RYR2: variants seen among roughly 807,000 people sequenced by gnomAD.
The protein encoded by RYR2 is ryanodine receptor 2, also known as cardiac muscle ryanodine receptor-calcium release channel.
RYR2 carries 227 observed loss-of-function variants against 601.1 expected under a neutral mutation model. The observed-to-expected ratio is 0.38, with a 90% CI of 0.34 to 0.42. The LOEUF (loss-of-function observed/expected upper bound fraction) is 0.42, where lower values mean the gene tolerates loss of function less well. Among genes scored for constraint, RYR2 ranks in the 10% least tolerant of loss-of-function variants. The probability of loss-of-function intolerance (pLI) is 1.00; values close to 1 mark genes in which losing one functional copy is unlikely to be tolerated. For missense variants in RYR2, 4,646 were observed against 6,156.5 expected (o/e 0.75, Z 8.21); for synonymous variants, 2,223 against 2,175.1 (o/e 1.02, Z -0.61).
At chr1:237,413,397 A>G (rs1247748554) in intron 10 of RYR2, among the ~76,000 whole-genome samples, 1 of 152,172 alleles carries the variant, frequency 6.6e-6, no homozygotes, top group African/African-American at 2.4e-5. Flanking sequence ...ATACCATTAG[A>G]TTTTTATAAA....
At chr1:237,764,534 C>T (rs570285998) in intron 84 of RYR2, among the ~76,000 whole-genome samples, 2 of 151,306 alleles carry the variant, frequency 1.3e-5, no homozygotes, top group South Asian at 4.2e-4. Context: ...CTGCAACCTC[C>T]ACTTCCCGGG....
In RYR2 at chr1:237,412,740, T is replaced by C. The variant is rs973896109; in HGVS notation, c.774-4309T>C. 2.0e-5 allele frequency among the ~76,000 whole-genome samples: 3 copies of C among 152,172 alleles called. No homozygotes were observed. The East Asian group carries it at 5.8e-4, about 29-fold the overall frequency. On this transcript the variant is annotated intron_variant, in intron 10 of 104. Transcript: ENST00000366574. ...CTGCCATTTGCATTAAAATCCCTTG[T>C]GATGATTACCTCAAAAGGTGCTGTT... is the stretch of plus-strand genomic sequence containing the variant.
intron 23 of RYR2, among the ~76,000 whole-genome samples, chr1:237,507,756 C>A (rs61833804): frequency 0.027 from 4,112 of 152,292 alleles, 80 homozygotes; most frequent in Non-Finnish European, 0.041. Context: ...TTGCTAAATG[C>A]CTTGGCAGGC....
chr1:237,745,651 A>G (rs2797449), intron 80 of RYR2, among the ~76,000 whole-genome samples: 78,406 of 152,050 alleles, frequency 0.52, 21,813 homozygotes, highest in East Asian at 0.8. Context: ...ATATTTAGAC[A>G]CTAGGATTCA....
chr1:237,150,531 T>C (rs1231178215), intron 1 of RYR2, among the ~76,000 whole-genome samples: 1 of 152,036 alleles, frequency 6.6e-6, no homozygotes, highest in Non-Finnish European at 1.5e-5. Flanking sequence ...TTTTCTTGGA[T>C]TGGCAGTTGA....
chr1:237,269,570 A>C (rs922816397), intron 1 of RYR2, among the ~76,000 whole-genome samples: 1 of 152,158 alleles, frequency 6.6e-6, no homozygotes, highest in African/African-American at 2.4e-5. Context: ...AGATGTCAAA[A>C]CACGTAAATG....
chr1:237,623,740 T>C (rs757372337), intron 38 of RYR2, 25 bp from the exon 39 acceptor site: 6 of 1,458,652 alleles, frequency 4.1e-6, no homozygotes, highest in Non-Finnish European at 5.8e-6. Context: ...TCCTTCTTCC[T>C]CTTTCTTGTT....
intron 2 of RYR2, among the ~76,000 whole-genome samples, chr1:237,302,464 C>T (rs1270390235): frequency 6.6e-6 from 1 of 152,074 alleles, no homozygotes; most frequent in African/African-American, 2.4e-5. Context: ...TCATTACAAG[C>T]CTTGATATAT....
chr1:237,669,334 C>A (rs1042182257), intron 58 of RYR2, among the ~76,000 whole-genome samples: 7 of 152,280 alleles, frequency 4.6e-5, no homozygotes, highest in Admixed American at 6.5e-5. Flanking sequence ...CCTTTCCCCC[C>A]TCTCTATTCC....
At chr1:237,488,509 C>G (rs1304046682) in intron 17 of RYR2, among the ~76,000 whole-genome samples, 2 of 152,168 alleles carry the variant, frequency 1.3e-5, no homozygotes, top group Non-Finnish European at 2.9e-5. Context: ...GGGAACATCT[C>G]CTAATACCAT....
chr1:237,289,025 A>C (rs1450411215), intron 2 of RYR2, among the ~76,000 whole-genome samples: 1 of 151,884 alleles, frequency 6.6e-6, no homozygotes, highest in East Asian at 1.9e-4. Flanking sequence ...CTCCAAATTG[A>C]CTCAGCTCCA....
intron 1 of RYR2, among the ~76,000 whole-genome samples, chr1:237,245,420 G>C (rs1278590348): frequency 6.6e-6 from 1 of 152,140 alleles, no homozygotes; most frequent in East Asian, 1.9e-4. Flanking sequence ...AATAAATTCA[G>C]CTGTAAGTTT....
Position 237,745,218 on chromosome 1 carries a change from C to T in RYR2, c.11145+2869C>T, listed in dbSNP as rs578227535. Among the ~76,000 whole-genome samples the T allele has an allele frequency of 3.9e-5, 6 of 152,094 alleles. No homozygotes were observed. In the South Asian group the frequency reaches 1.0e-3, roughly 26 times the overall value. ...TATACTATCAGATGCAGCTCTGATC[C>T]GATGGATATAATGGTTAATGGCATA... On this transcript the variant is annotated intron_variant, in intron 80 of 104. Coordinates refer to ENST00000366574, the MANE Select transcript of RYR2 (RefSeq NM_001035.3).
rs1429289414 is a variant in RYR2, at chr1:237,217,548, CAAA to C, written c.49-52948_49-52946del. 4.6e-5 allele frequency among the ~76,000 whole-genome samples: 7 copies of C among 152,210 alleles called. No individual in the cohort carries two copies. The East Asian group carries it at 1.4e-3, about 29-fold the overall frequency. On this transcript the variant is annotated intron_variant, in intron 1 of 104. Coordinates refer to ENST00000366574, the MANE Select transcript of RYR2 (RefSeq NM_001035.3). ...TCTGTGCCTTCGTTTCCTTCTCTGT[CAAA>C]TGGGAATAATAATAGCACCAAGTTC...
chr1:237,199,620 T>C (rs1399262830), intron 1 of RYR2, among the ~76,000 whole-genome samples: 1 of 152,204 alleles, frequency 6.6e-6, no homozygotes. Flanking sequence ...TAATCTTCTT[T>C]GCCAGCACCC....
intron 82 of RYR2, among the ~76,000 whole-genome samples, chr1:237,758,170 A>G (rs1693112906): frequency 6.6e-6 from 1 of 152,212 alleles, no homozygotes; most frequent in Non-Finnish European, 1.5e-5. Flanking sequence ...AAAACACTTA[A>G]TCTCTCCAAA....
chr1:237,640,564 C>T (rs915333078), intron 46 of RYR2, among the ~76,000 whole-genome samples: 2 of 152,164 alleles, frequency 1.3e-5, no homozygotes, highest in African/African-American at 2.4e-5. Context: ...TAAGCTCACA[C>T]GTCCTTTGAT....
intron 2 of RYR2, among the ~76,000 whole-genome samples, chr1:237,326,682 G>A (rs1696207820): frequency 6.6e-6 from 1 of 152,212 alleles, no homozygotes; most frequent in Admixed American, 6.5e-5. Context: ...TCACATTGAA[G>A]TTCTAAAAAT....
At chr1:237,475,970 C>A (rs1258851012) in intron 17 of RYR2, among the ~76,000 whole-genome samples, 1 of 152,162 alleles carries the variant, frequency 6.6e-6, no homozygotes, top group African/African-American at 2.4e-5. Flanking sequence ...TGATGTATTT[C>A]AGAATGGTGG....
Sources: gnomAD v4.1 joint callset for allele counts (sites outside exome capture counted in the v4.1 genomes callset) on GRCh38, gnomAD v4.1.1 for gene constraint, MANE v1.5 for transcripts, NCBI Gene and HGNC (gene_info 2026-07-23, HGNC 2026-07-21) for gene names.